ST8SIA2: variants seen among roughly 807,000 people sequenced by gnomAD.
ST8SIA2 encodes the protein alpha-2,8-sialyltransferase 8B.
ST8SIA2 carries 22 observed loss-of-function variants against 37.6 expected under a neutral mutation model. The observed-to-expected ratio is 0.58, with a 90% confidence interval of 0.42 to 0.83. The LOEUF is 0.83. Ranked by LOEUF, ST8SIA2 falls within the 40% of genes least tolerant of loss-of-function variation. The probability of loss-of-function intolerance (pLI) is 0.00; values close to 1 mark genes in which losing one functional copy is unlikely to be tolerated. For synonymous variants in ST8SIA2, 205 were observed against 201.2 expected (o/e 1.02, Z -0.16); for missense variants, 382 against 484.7 (o/e 0.79, Z 1.99).
intron 5 of ST8SIA2, among the ~76,000 whole-genome samples, chr15:92,445,986 A>C (rs1262226134): frequency 6.6e-6 from 1 of 151,584 alleles, no homozygotes; most frequent in Non-Finnish European, 1.5e-5. Flanking sequence ...AAAATAGTTT[A>C]ATATTAATCA....
At chr15:92,421,412 A>G (rs1404046726) in intron 1 of ST8SIA2, 1 of 152,232 alleles carries the variant, frequency 6.6e-6, no homozygotes, top group African/African-American at 2.4e-5. Context: ...TTGTTATTAC[A>G]TGGCTTGTCC....
chr15:92,403,968 A>T (rs1245678344), intron 1 of ST8SIA2, among the ~76,000 whole-genome samples: 3 of 152,238 alleles, frequency 2.0e-5, no homozygotes, highest in Non-Finnish European at 4.4e-5. Context: ...GTGCTGACAG[A>T]CGGCATCCCA....
At chr15:92,433,334 C>G (rs1267705306) in intron 2 of ST8SIA2, among the ~76,000 whole-genome samples, 8 of 152,182 alleles carry the variant, frequency 5.3e-5, no homozygotes, top group African/African-American at 1.9e-4. Flanking sequence ...ACAAAAAGAA[C>G]TTTGGATGTG....
chr15:92,466,236 TA>T lies in ST8SIA2; in HGVS notation c.*1856del, dbSNP rs1457826220. On this transcript the variant is annotated 3_prime_UTR_variant, in exon 6 of 6. Coordinates refer to ENST00000268164, the MANE Select transcript of ST8SIA2 (RefSeq NM_006011.4). ...GATTTGCGTTATAAAATGAATATTT[TA>T]AAAAGCAACAGCCCTAATAGCCTCT... The T allele has an allele frequency of 6.6e-6, 1 of 152,208 alleles. No individual in the cohort carries two copies. The highest frequency in any genetic ancestry group is 1.5e-5 in the Non-Finnish European group (1 of 68,040). The allele number at this position is 152,208 out of a possible 1,614,324, so 9.4% of individuals were successfully genotyped here.
At chr15:92,396,908 C>T (rs1251758343) in intron 1 of ST8SIA2, among the ~76,000 whole-genome samples, 2 of 152,234 alleles carry the variant, frequency 1.3e-5, no homozygotes, top group East Asian at 3.8e-4. Context: ...AGGGCTCCGC[C>T]TTCCTCACCA....
chr15:92,416,168 G>A (rs56666888), intron 1 of ST8SIA2, among the ~76,000 whole-genome samples: 39 of 151,114 alleles, frequency 2.6e-4, no homozygotes, highest in Non-Finnish European at 4.3e-4. Flanking sequence ...AGAGGGATGA[G>A]GGCACTGGCA....
At chr15:92,395,633 A>G (rs988656164) in intron 1 of ST8SIA2, among the ~76,000 whole-genome samples, 5 of 152,200 alleles carry the variant, frequency 3.3e-5, no homozygotes, top group Admixed American at 2.0e-4. Context: ...AGAGATAAAC[A>G]TGCTACTTTT....
intron 1 of ST8SIA2, among the ~76,000 whole-genome samples, chr15:92,396,754 G>T (rs187571516): frequency 1.4e-3 from 214 of 152,298 alleles, no homozygotes; most frequent in Non-Finnish European, 2.6e-3. Flanking sequence ...CTCCCAAAGT[G>T]CTGGGATTAC....
intron 1 of ST8SIA2, among the ~76,000 whole-genome samples, chr15:92,398,759 C>T (rs978302932): frequency 4.6e-5 from 7 of 152,322 alleles, no homozygotes; most frequent in African/African-American, 1.2e-4. Flanking sequence ...TGTGGAAGGC[C>T]GAAACCCATG....
chr15:92,447,732 C>T lies in ST8SIA2; in HGVS notation c.842+2803C>T, dbSNP rs543022863. Reference sequence around the variant, plus strand: ...CCCAAGAAAGCCCGAGAGAGACATTCGATAAGGAGCAGCCACATGTGTGTC... The same window carrying T: ...CCCAAGAAAGCCCGAGAGAGACATTTGATAAGGAGCAGCCACATGTGTGTC... On this transcript the variant is annotated intron_variant, in intron 5 of 5. Transcript: ENST00000268164. 1.3e-4 allele frequency among the ~76,000 whole-genome samples: 20 copies of T among 152,268 alleles called. No homozygotes were observed. The East Asian group carries it at 3.5e-3, about 26-fold the overall frequency.
At chr15:92,434,910 A>T (rs1024268898) in intron 3 of ST8SIA2, among the ~76,000 whole-genome samples, 3 of 110,980 alleles carry the variant, frequency 2.7e-5, no homozygotes, top group African/African-American at 9.4e-5. Flanking sequence ...CAGAAAGCAG[A>T]GGTCTGTTTA....
At chr15:92,438,007 A>T (rs987037243) in intron 3 of ST8SIA2, among the ~76,000 whole-genome samples, 1 of 152,186 alleles carries the variant, frequency 6.6e-6, no homozygotes, top group African/African-American at 2.4e-5. Flanking sequence ...CGAGCCAGGC[A>T]GTCCTGGGGA....
chr15:92,415,938 G>T lies in ST8SIA2; in HGVS notation c.99-14111G>T, dbSNP rs1431687874. Among the ~76,000 whole-genome samples, 3 of 152,140 alleles carry T rather than the reference G, an allele frequency of 2.0e-5. No individual in the cohort carries two copies. The East Asian group carries it at 5.8e-4, about 29-fold the overall frequency. On this transcript the variant is annotated intron_variant, in intron 1 of 5. Coordinates refer to ENST00000268164, the MANE Select transcript of ST8SIA2 (RefSeq NM_006011.4). ...GTGGATGTGTGGAAAAGAAGATGAGGCTGAAGGGGCAGTTCAGAAAGGGTC... is the reference window on the plus strand; with the variant it reads ...GTGGATGTGTGGAAAAGAAGATGAGTCTGAAGGGGCAGTTCAGAAAGGGTC...
At chr15:92,461,986 G>A (rs1304595568) in intron 5 of ST8SIA2, among the ~76,000 whole-genome samples, 1 of 152,178 alleles carries the variant, frequency 6.6e-6, no homozygotes, top group Non-Finnish European at 1.5e-5. Context: ...TGGGTTTCCA[G>A]TTGAAAAATT....
At chr15:92,434,525 A>C in intron 3 of ST8SIA2, 150 bp downstream of exon 3, 1 of 1,271,936 alleles carries the variant, frequency 7.9e-7, no homozygotes, top group South Asian at 1.3e-5. Context: ...GATCAATCGG[A>C]AATAAAAACC....
At chr15:92,449,305 G>T (rs768659105) in intron 5 of ST8SIA2, among the ~76,000 whole-genome samples, 33 of 152,178 alleles carry the variant, frequency 2.2e-4, no homozygotes, top group Non-Finnish European at 4.0e-4. Context: ...CTAGTTATTA[G>T]ATCATCAGGG....
chr15:92,440,899 T>A (rs1372365556), intron 4 of ST8SIA2, among the ~76,000 whole-genome samples: 1 of 152,174 alleles, frequency 6.6e-6, no homozygotes, highest in African/African-American at 2.4e-5. Context: ...ACAGGGACAC[T>A]AAGTGTTAAT....
intron 1 of ST8SIA2, among the ~76,000 whole-genome samples, chr15:92,412,001 G>T (rs1418719037): frequency 6.6e-6 from 1 of 152,214 alleles, no homozygotes; most frequent in Non-Finnish European, 1.5e-5. Context: ...ACAGGCAGGT[G>T]CTCCCGGTGG....
intron 1 of ST8SIA2, among the ~76,000 whole-genome samples, chr15:92,416,479 C>G (rs779782611): frequency 2.6e-5 from 4 of 152,082 alleles, no homozygotes; most frequent in Non-Finnish European, 4.4e-5. Flanking sequence ...GTGCAAAGGG[C>G]ACACTCACAC....
Sources: gnomAD v4.1 joint callset for allele counts (sites outside exome capture counted in the v4.1 genomes callset) on GRCh38, gnomAD v4.1.1 for gene constraint, MANE v1.5 for transcripts, NCBI Gene and HGNC (gene_info 2026-07-23, HGNC 2026-07-21) for gene names.